SCPEP1: variants seen among roughly 807,000 people sequenced by gnomAD.
SCPEP1 encodes serine carboxypeptidase 1.
Under a neutral mutation model 63.8 loss-of-function variants are expected in SCPEP1, and 51 were observed. The ratio of observed to expected loss-of-function variants is 0.80; its 90% CI spans 0.64 to 1.01. SCPEP1 has a LOEUF of 1.01. SCPEP1 is among the 50% of genes least tolerant of loss of function. The pLI, the probability that SCPEP1 is intolerant of heterozygous loss-of-function variation, is 0.00. For synonymous variants in SCPEP1, 204 were observed against 207.8 expected (o/e 0.98, Z 0.16); for missense variants, 499 against 554.9 (o/e 0.90, Z 1.01).
At chr17:56,987,142 C>T (rs1567864856) in intron 3 of SCPEP1, 1 of 152,278 alleles carries the variant, frequency 6.6e-6, no homozygotes, top group Non-Finnish European at 1.5e-5. Context: ...CAGCAAGGGA[C>T]ATGGCTGGAC....
intron 1 of SCPEP1, among the ~76,000 whole-genome samples, chr17:56,979,181 G>T (rs1244900360): frequency 6.6e-6 from 1 of 152,100 alleles, no homozygotes; most frequent in Non-Finnish European, 1.5e-5. Context: ...TTGAGTCAGG[G>T]TCTCACTATG....
rs966884969 is a variant in SCPEP1 at position 56,978,238 on chromosome 17, A to G, written c.76+3A>G. ...GCTGCTGCTGGGCCTGAACGCAGGTAGGTTCAAGCAAGAGGCGCACCAGCT... is the reference window on the plus strand; with the variant it reads ...GCTGCTGCTGGGCCTGAACGCAGGTGGGTTCAAGCAAGAGGCGCACCAGCT... On this transcript the variant is annotated splice_donor_region_variant and intron_variant, in intron 1 of 12. Coordinates refer to ENST00000262288, the MANE Select transcript of SCPEP1 (RefSeq NM_021626.3). The G allele has an allele frequency of 6.5e-7, 1 of 1,538,526 alleles. No homozygotes were observed. The highest frequency in any genetic ancestry group is 1.2e-5 in the South Asian group (1 of 84,598).
At chr17:57,001,847 G>A (rs1271766669) in intron 11 of SCPEP1, among the ~76,000 whole-genome samples, 171 bp from the exon 12 acceptor site, 2 of 152,232 alleles carry the variant, frequency 1.3e-5, no homozygotes, top group Non-Finnish European at 2.9e-5. Flanking sequence ...CAGAAATGCA[G>A]ATGCTCAGGC....
rs1427797370 is a variant in SCPEP1 at position 57,006,248 on chromosome 17, T to A, written c.*13T>A. The A allele has an allele frequency of 6.2e-7, 1 of 1,607,822 alleles. No individual in the cohort carries two copies. The highest frequency in any genetic ancestry group is 8.5e-7 in the Non-Finnish European group (1 of 1,176,932). On this transcript the variant is annotated 3_prime_UTR_variant, in exon 13 of 13. Coordinates refer to ENST00000262288, the MANE Select transcript of SCPEP1 (RefSeq NM_021626.3). Reference sequence around the variant, plus strand: ...TCAGCAAGAATAGGATGGATGGGGCTGGAGATGAGCTGGTTTGGCCTTGGG... The same window carrying A: ...TCAGCAAGAATAGGATGGATGGGGCAGGAGATGAGCTGGTTTGGCCTTGGG...
intron 8 of SCPEP1, among the ~76,000 whole-genome samples, chr17:56,996,244 G>A (rs551388626): frequency 4.0e-5 from 6 of 151,006 alleles, no homozygotes; most frequent in South Asian, 4.2e-4. Flanking sequence ...TGAGACACTC[G>A]CCCAGGCTGG....
chr17:56,997,453 C>T (rs1424434842), intron 9 of SCPEP1, among the ~76,000 whole-genome samples: 1 of 152,234 alleles, frequency 6.6e-6, no homozygotes, highest in Non-Finnish European at 1.5e-5. Flanking sequence ...AGCTTCCATA[C>T]ACCAAATTAC....
chr17:56,995,686 G>A (rs910289355), intron 8 of SCPEP1, 51 bp downstream of exon 8: 3 of 1,579,696 alleles, frequency 1.9e-6, no homozygotes, highest in Non-Finnish European at 2.6e-6. Flanking sequence ...TTTCTGGTGG[G>A]TACAGGGCCC....
intron 1 of SCPEP1, among the ~76,000 whole-genome samples, chr17:56,979,699 C>A (rs1368260476): frequency 6.6e-6 from 1 of 152,100 alleles, no homozygotes; most frequent in Admixed American, 6.6e-5. Context: ...TTAAAAAAAT[C>A]ATCTACATGA....
chr17:57,003,492 A>G (rs984251976), intron 12 of SCPEP1, among the ~76,000 whole-genome samples: 4 of 152,164 alleles, frequency 2.6e-5, no homozygotes, highest in African/African-American at 9.7e-5. Context: ...CATTTGGGGT[A>G]GAAAAGAACT....
At chr17:57,001,793 G>A (rs1911746614) in intron 11 of SCPEP1, among the ~76,000 whole-genome samples, 3 of 152,210 alleles carry the variant, frequency 2.0e-5, no homozygotes, top group Admixed American at 2.0e-4. Context: ...GTCAGGCTTT[G>A]CAGCTGTTAG....
rs759476574 is a variant in SCPEP1 at position 56,991,085 on chromosome 17, G to A, written c.547-14G>A. ...TGCACCTGGCCTGAGGACGTTTCTT[G>A]TTTCCTCTTTCAGGCCATTCAGCGA... is the stretch of plus-strand genomic sequence containing the variant. On this transcript the variant is annotated splice_polypyrimidine_tract_variant and intron_variant, in intron 5 of 12. Coordinates refer to ENST00000262288, the MANE Select transcript of SCPEP1 (RefSeq NM_021626.3). 15 of 1,610,776 alleles carry A rather than the reference G, an allele frequency of 9.3e-6. No homozygotes were observed. In the African/African-American group the frequency reaches 1.6e-4, roughly 17 times the overall value.
intron 12 of SCPEP1, 127 bp from the exon 13 acceptor site, chr17:57,006,046 A>T (rs1202687270): frequency 1.6e-6 from 1 of 634,666 alleles, no homozygotes; most frequent in Non-Finnish European, 2.8e-6. Flanking sequence ...GGATGTGCCC[A>T]GGTGTCTGCA....
Position 56,991,079 on chromosome 17 carries a change from T to G in SCPEP1, c.547-20T>G. On this transcript the variant is annotated intron_variant, in intron 5 of 12. Transcript: ENST00000262288. ...AGCCACTGCACCTGGCCTGAGGACGTTTCTTGTTTCCTCTTTCAGGCCATT... is the reference window on the plus strand; with the variant it reads ...AGCCACTGCACCTGGCCTGAGGACGGTTCTTGTTTCCTCTTTCAGGCCATT... The G allele has an allele frequency of 2.5e-6, 4 of 1,605,586 alleles. No individual in the cohort carries two copies. The highest frequency in any genetic ancestry group is 3.4e-6 in the Non-Finnish European group (4 of 1,172,228).
At chr17:56,993,710 G>GT (rs1911464895) in intron 6 of SCPEP1, among the ~76,000 whole-genome samples, 1 of 152,194 alleles carries the variant, frequency 6.6e-6, no homozygotes, top group African/African-American at 2.4e-5. Context: ...GCCTCCCAAA[G>GT]TGCTGGGATT....
intron 10 of SCPEP1, among the ~76,000 whole-genome samples, chr17:57,000,034 C>T (rs1911692553): frequency 6.6e-6 from 1 of 150,812 alleles, no homozygotes; most frequent in African/African-American, 2.4e-5. Flanking sequence ...TCTGTAGTCT[C>T]AGCTACTTGG....
intron 5 of SCPEP1, 116 bp downstream of exon 5, chr17:56,988,406 G>A (rs887687603): frequency 3.2e-5 from 22 of 680,554 alleles, no homozygotes; most frequent in Middle Eastern, 3.8e-4. Context: ...TGCAGAGTAC[G>A]ATTAAATCTG....
At chr17:56,981,296 C>T in intron 2 of SCPEP1, 66 bp downstream of exon 2, 1 of 1,574,868 alleles carries the variant, frequency 6.3e-7, no homozygotes, top group Non-Finnish European at 8.7e-7. Flanking sequence ...TCTTTGCTTG[C>T]TTTTTGGGCT....
chr17:56,991,918 G>A (rs1911411545), intron 6 of SCPEP1, among the ~76,000 whole-genome samples: 1 of 152,172 alleles, frequency 6.6e-6, no homozygotes. Flanking sequence ...ATGTCTCCCT[G>A]GGGAACAAAA....
At position 56,998,452 on chromosome 17, in the gene SCPEP1, C is replaced by A; in HGVS notation, c.948C>A (p.Pro316=). The change falls in exon 10 of 13, where the codon CCC becomes CCA. Residue 316 remains proline (P), a synonymous_variant. Coordinates refer to ENST00000262288, the MANE Select transcript of SCPEP1 (RefSeq NM_021626.3). Reference sequence around the variant, plus strand: ...CCTTAAGCCAGCTCATGAATGGCCCCATCAGAAAGAAGCTCAAAATTATTC... The same window carrying A: ...CCTTAAGCCAGCTCATGAATGGCCCAATCAGAAAGAAGCTCAAAATTATTC... The part of the protein sequence containing the change: ...RDALSQLMNG[P]IRKKLKIIPE... 6.2e-7 allele frequency: 1 copy of A among 1,614,028 alleles called. No homozygotes were observed. The highest frequency in any genetic ancestry group is 8.5e-7 in the Non-Finnish European group (1 of 1,179,994).
Sources: allele counts gnomAD v4.1 joint callset (sites outside exome capture counted in the v4.1 genomes callset), GRCh38; gene constraint gnomAD v4.1.1; transcripts MANE v1.5; gene names NCBI Gene and HGNC (gene_info 2026-07-23, HGNC 2026-07-21).